The following RANGAP1 variants were observed in gnomAD, a reference collection of about 807,000 sequenced individuals.
RANGAP1 encodes Ran GTPase activating protein 1.
RANGAP1 carries 38 observed loss-of-function variants against 63.5 expected under a neutral mutation model. That is an observed-to-expected ratio of 0.60 (90% CI 0.46 to 0.78). RANGAP1 has a LOEUF of 0.78. RANGAP1 is among the 30% of genes least tolerant of loss of function. The pLI is 0.00. For synonymous variants in RANGAP1, 329 were observed against 310.5 expected, an observed-to-expected ratio of 1.06 and a Z score of -0.63; for missense variants, 630 against 740.3, an observed-to-expected ratio of 0.85 and a Z score of 1.73.
chr22:41,282,847 A>T (rs965207851), intron 1 of RANGAP1, among the ~76,000 whole-genome samples: 1 of 152,192 alleles, frequency 6.6e-6, no homozygotes, highest in African/African-American at 2.4e-5. Flanking sequence ...CAAAAAAAGA[A>T]AAGAAACAGC....
At chr22:41,260,287 C>T (rs910167207) in intron 6 of RANGAP1, among the ~76,000 whole-genome samples, 36 of 152,192 alleles carry the variant, frequency 2.4e-4, no homozygotes, top group African/African-American at 8.7e-4. Flanking sequence ...ACAGCGCACC[C>T]CCTCCTCCCA....
rs923180277 is a variant in RANGAP1, at chr22:41,257,841, G to A, written c.774+107C>T. Reference sequence around the variant, plus strand: ...CATGGGGCACACACCCAGGGGGCAGGCAGGGGGTAGAGGAGTCCCTGCTAA... The same window carrying A: ...CATGGGGCACACACCCAGGGGGCAGACAGGGGGTAGAGGAGTCCCTGCTAA... On this transcript the variant is annotated intron_variant, in intron 7 of 15. Coordinates refer to ENST00000356244, the MANE Select transcript of RANGAP1 (RefSeq NM_002883.4). The surrounding 1 kb of genome is among the most constrained non-coding windows in gnomAD (Gnocchi z 4.0). 16 of 1,330,922 alleles carry A rather than the reference G, an allele frequency of 1.2e-5. No individual in the cohort carries two copies. The highest frequency in any genetic ancestry group is 1.0e-4 in the South Asian group (7 of 67,420). 82.4% of individuals were successfully genotyped at this position (1,330,922 alleles called of 1,614,324 possible). A position where few individuals can be genotyped will look rare whatever the true frequency, so the allele number is the denominator to read the frequency against.
intron 6 of RANGAP1, among the ~76,000 whole-genome samples, chr22:41,260,340 G>C (rs1287972406): frequency 1.3e-5 from 2 of 152,078 alleles, no homozygotes; most frequent in Non-Finnish European, 2.9e-5. Flanking sequence ...GGGATCCAAG[G>C]ATGGCAGTGA....
At chr22:41,291,989 T>C in the RANGAP1 span, among the ~76,000 whole-genome samples, 1 of 151,850 alleles carries the variant, frequency 6.6e-6, no homozygotes, top group Non-Finnish European at 1.5e-5. Context: ...TGGTGCAATC[T>C]CGGCTTCCTG....
At chr22:41,269,476 T>C (rs1157880200) in intron 3 of RANGAP1, among the ~76,000 whole-genome samples, 1 of 152,144 alleles carries the variant, frequency 6.6e-6, no homozygotes, top group African/African-American at 2.4e-5. Context: ...GGCTCACACC[T>C]GTAATCCCAG....
At chr22:41,255,634 G>T (rs948037699) in intron 10 of RANGAP1, among the ~76,000 whole-genome samples, 2 of 141,680 alleles carry the variant, frequency 1.4e-5, no homozygotes, top group Admixed American at 1.5e-4. Context: ...GGGTGGCCCC[G>T]CTCAGCCCGT....
chr22:41,298,628 G>A, the RANGAP1 span, among the ~76,000 whole-genome samples: 1 of 151,848 alleles, frequency 6.6e-6, no homozygotes, highest in Non-Finnish European at 1.5e-5. Flanking sequence ...GCCTCCCAAA[G>A]TGCTGGGATT....
intron 6 of RANGAP1, among the ~76,000 whole-genome samples, chr22:41,259,995 G>T (rs932519362): frequency 1.3e-5 from 2 of 149,586 alleles, no homozygotes; most frequent in African/African-American, 5.0e-5. Context: ...AACAGAGCGA[G>T]ACCCTGCCTC....
At chr22:41,300,987 C>G in the RANGAP1 span, among the ~76,000 whole-genome samples, 1 of 152,126 alleles carries the variant, frequency 6.6e-6, no homozygotes, top group Non-Finnish European at 1.5e-5. Context: ...TGAATTGAGC[C>G]CAAATACTCT....
rs139530 is a variant in RANGAP1, at chr22:41,279,800, C to CA, written c.112+1132dup. On this transcript the variant is annotated intron_variant, in intron 2 of 15. Transcript: ENST00000356244. ...CTGGGTGGCAGAGTGAGACTCATCTCAAAAAAAAAAAAAAAAGCCGGGCAC... is the reference window on the plus strand; with the variant it reads ...CTGGGTGGCAGAGTGAGACTCATCTCAAAAAAAAAAAAAAAAAGCCGGGCAC... Among the ~76,000 whole-genome samples the CA allele has an allele frequency of 4.7e-3, 574 of 122,028 alleles. 7 individuals carry two copies. Among genetic ancestry groups the CA allele is most frequent in the Middle Eastern group, 0.016 (4 of 246 alleles). The allele number at this position is 122,028 out of a possible 152,430, so 80.1% of individuals were successfully genotyped here. A position where few individuals can be genotyped will look rare whatever the true frequency, so the allele number is the denominator to read the frequency against.
chr22:41,287,388 T>G (rs1412302188), upstream of RANGAP1, among the ~76,000 whole-genome samples: 6 of 151,628 alleles, frequency 4.0e-5, no homozygotes, highest in African/African-American at 7.3e-5. Flanking sequence ...TTTTGTTTTT[T>G]TTTTTTGAGA....
intron 3 of RANGAP1, among the ~76,000 whole-genome samples, chr22:41,268,739 G>C (rs5758275): frequency 5.1e-4 from 77 of 152,148 alleles, no homozygotes; most frequent in Non-Finnish European, 9.7e-4. Flanking sequence ...ATGGATGACA[G>C]AGAAACATGA....
chr22:41,268,060 C>T (rs1420148101), intron 4 of RANGAP1, 37 bp downstream of exon 4: 1 of 1,490,066 alleles, frequency 6.7e-7, no homozygotes, highest in East Asian at 2.5e-5. Flanking sequence ...CAAAGAGGGC[C>T]TTGCGCGTGG....
At chr22:41,284,630 C>T (rs928262120) in intron 1 of RANGAP1, among the ~76,000 whole-genome samples, 3 of 150,550 alleles carry the variant, frequency 2.0e-5, no homozygotes, top group East Asian at 2.0e-4. Context: ...CCAGCATTTC[C>T]GGAGGCTGAG....
chr22:41,285,447 G>C, intron 1 of RANGAP1: 2 of 944,768 alleles, frequency 2.1e-6, no homozygotes, highest in South Asian at 4.9e-5. Context: ...CAAAAGCAAA[G>C]GGCTAATAGA....
chr22:41,294,176 C>G, the RANGAP1 span, among the ~76,000 whole-genome samples: 3 of 152,216 alleles, frequency 2.0e-5, no homozygotes, highest in Admixed American at 6.5e-5. Context: ...CTCAGCCTGC[C>G]GAGTGCCTGC....
Position 41,264,667 on chromosome 22 carries a change from G to A in RANGAP1, c.477C>T (p.Gly159=). The change falls in exon 5 of 16, where the codon GGC becomes GGT. Residue 159 remains glycine, a synonymous_variant. Coordinates refer to ENST00000356244, the MANE Select transcript of RANGAP1 (RefSeq NM_002883.4). Reference sequence around the variant, plus strand: ...GGGAGGGGGCTGCCACACCCACCTTGCCGCCGCCAATGCCCATGCCACAGT... The same window carrying A: ...GGGAGGGGGCTGCCACACCCACCTTACCGCCGCCAATGCCCATGCCACAGT... The part of the protein sequence containing the change: ...LNNCGMGIGG[G]KILAAALTEC... 1 of 1,609,772 alleles carries A rather than the reference G, an allele frequency of 6.2e-7. No individual in the cohort carries two copies. Among genetic ancestry groups the A allele is most frequent in the Non-Finnish European group, 8.5e-7 (1 of 1,176,622 alleles).
chr22:41,261,339 G>T, intron 6 of RANGAP1, 107 bp downstream of exon 6: 1 of 1,525,070 alleles, frequency 6.6e-7, no homozygotes. Flanking sequence ...TGACGCCCCA[G>T]GTCTCTTGGT....
At chr22:41,279,990 C>T (rs573813455) in intron 2 of RANGAP1, among the ~76,000 whole-genome samples, 1 of 150,798 alleles carries the variant, frequency 6.6e-6, no homozygotes, top group East Asian at 2.0e-4. Flanking sequence ...CCCAGCTACT[C>T]AGGAGGCTGA....
Sources: allele counts gnomAD v4.1 joint callset (sites outside exome capture counted in the v4.1 genomes callset), GRCh38; gene constraint gnomAD v4.1.1; non-coding constraint Gnocchi (gnomAD v3.1); transcripts MANE v1.5; gene names NCBI Gene and HGNC (gene_info 2026-07-23, HGNC 2026-07-21).